UBE2E2: variants seen among roughly 807,000 people sequenced by gnomAD.
UBE2E2 encodes the protein ubiquitin-conjugating enzyme E2 E2.
Under a neutral mutation model 24.7 loss-of-function variants are expected in UBE2E2, and 6 were observed. That is an observed-to-expected ratio of 0.24 (90% CI 0.13 to 0.48). The LOEUF is 0.48. UBE2E2 is among the 20% of genes least tolerant of loss of function. The probability of loss-of-function intolerance (pLI) is 0.99; values close to 1 mark genes in which losing one functional copy is unlikely to be tolerated. For synonymous variants in UBE2E2, 104 were observed against 83.6 expected, an observed-to-expected ratio of 1.24 and a Z score of -1.33; for missense variants, 169 against 245.0, an observed-to-expected ratio of 0.69 and a Z score of 2.07.
chr3:23,554,464 A>G (rs144219885), intron 5 of UBE2E2, among the ~76,000 whole-genome samples: 3 of 152,280 alleles, frequency 2.0e-5, no homozygotes, highest in East Asian at 1.9e-4. Context: ...ACAGTGAGCT[A>G]TGATCACACT....
intron 5 of UBE2E2, among the ~76,000 whole-genome samples, chr3:23,568,860 G>C (rs1696154469): frequency 6.6e-6 from 1 of 151,752 alleles, no homozygotes; most frequent in Non-Finnish European, 1.5e-5. Flanking sequence ...TGGTGAGGAA[G>C]TGGAGAATTA....
Position 23,246,397 on chromosome 3 carries a change from T to A in UBE2E2, c.227+29085T>A, listed in dbSNP as rs552609997. 2.7e-5 allele frequency among the ~76,000 whole-genome samples: 4 copies of A among 147,168 alleles called. No individual in the cohort carries two copies. In the South Asian group the frequency reaches 8.6e-4, roughly 32 times the overall value. On this transcript the variant is annotated intron_variant, in intron 3 of 5. Coordinates refer to ENST00000396703, the MANE Select transcript of UBE2E2 (RefSeq NM_152653.4). ...CACCATGCCTGGCTAATTTTTTTTTTTTTTTTTTTTTGTATTTTTAGTAGA... is the reference window on the plus strand; with the variant it reads ...CACCATGCCTGGCTAATTTTTTTTTATTTTTTTTTTTGTATTTTTAGTAGA...
intron 3 of UBE2E2, among the ~76,000 whole-genome samples, chr3:23,230,443 C>T (rs894457369): frequency 6.6e-6 from 1 of 152,104 alleles, no homozygotes; most frequent in African/African-American, 2.4e-5. Flanking sequence ...TTAGAAAACT[C>T]ATAAATAAGG....
chr3:23,422,532 C>CT (rs35420157), intron 3 of UBE2E2, among the ~76,000 whole-genome samples: 15,497 of 152,206 alleles, frequency 0.1, 927 homozygotes, highest in East Asian at 0.13. Context: ...AATAGATTAT[C>CT]TTTTCTGTCA....
intron 4 of UBE2E2, among the ~76,000 whole-genome samples, chr3:23,530,765 G>A (rs1388227702): frequency 1.3e-5 from 2 of 152,068 alleles, no homozygotes; most frequent in Non-Finnish European, 2.9e-5. Flanking sequence ...CTAAATTCTT[G>A]CAACATACAG....
intron 4 of UBE2E2, among the ~76,000 whole-genome samples, chr3:23,515,739 T>C (rs747852432): frequency 1.3e-5 from 2 of 151,696 alleles, no homozygotes; most frequent in African/African-American, 2.4e-5. Flanking sequence ...GGAGGATCGC[T>C]TGAGGCCAGA....
Position 23,444,060 on chromosome 3 carries a change from G to GTTT in UBE2E2, c.228-55546_228-55544dup, listed in dbSNP as rs1359491293. 1.1e-3 allele frequency among the ~76,000 whole-genome samples: 134 copies of GTTT among 125,646 alleles called. 3 individuals are homozygous for GTTT. The highest frequency in any genetic ancestry group is 3.9e-3 in the African/African-American group (119 of 30,810). The allele number at this position is 125,646 out of a possible 152,430, so 82.4% of individuals were successfully genotyped here. A position where few individuals can be genotyped will look rare whatever the true frequency, so the allele number is the denominator to read the frequency against. ...CACTCATTTTAGGTTTTCTTCACCA[G>GTTT]TTTTGTTTTTTTTTTTTTTTTTGCC... On this transcript the variant is annotated intron_variant, in intron 3 of 5. Transcript: ENST00000396703.
At chr3:23,545,778 G>A (rs769137883) in intron 5 of UBE2E2, among the ~76,000 whole-genome samples, 4 of 152,142 alleles carry the variant, frequency 2.6e-5, no homozygotes, top group Admixed American at 6.6e-5. Context: ...CCCGTCAACC[G>A]ATGAGTGGTT....
intron 3 of UBE2E2, chr3:23,274,060 C>T (rs1454712003): frequency 6.6e-6 from 1 of 152,140 alleles, no homozygotes; most frequent in Non-Finnish European, 1.5e-5. Flanking sequence ...TCAAATATTA[C>T]AGGACTGGAC....
At position 23,513,648 on chromosome 3, in the gene UBE2E2, G is replaced by T. The variant is rs113757294; in HGVS notation, c.360+13908G>T. Among the ~76,000 whole-genome samples the T allele has an allele frequency of 4.8e-3, 729 of 152,204 alleles. 6 individuals are homozygous for T. The highest frequency in any genetic ancestry group is 0.017 in the African/African-American group (697 of 41,538). ...GATTCTGCCCAGATTGCCCTCCAAA[G>T]AAGCTATACAAAGTTATACTCCCAA... On this transcript the variant is annotated intron_variant, in intron 4 of 5. Coordinates refer to ENST00000396703, the MANE Select transcript of UBE2E2 (RefSeq NM_152653.4).
chr3:23,512,897 A>G (rs1004262661), intron 4 of UBE2E2, among the ~76,000 whole-genome samples: 1 of 152,154 alleles, frequency 6.6e-6, no homozygotes, highest in African/African-American at 2.4e-5. Context: ...GTGAGCCAAG[A>G]TTGTGGCAGA....
At chr3:23,334,840 C>A (rs898165185) in intron 3 of UBE2E2, among the ~76,000 whole-genome samples, 2 of 152,168 alleles carry the variant, frequency 1.3e-5, no homozygotes, top group African/African-American at 4.8e-5. Context: ...TCAGATTGAT[C>A]TTATATTGAT....
chr3:23,568,028 T>G (rs936706854), intron 5 of UBE2E2, among the ~76,000 whole-genome samples: 1 of 152,102 alleles, frequency 6.6e-6, no homozygotes, highest in Non-Finnish European at 1.5e-5. Flanking sequence ...AGCCCACACT[T>G]TCAGTGGACA....
At position 23,407,064 on chromosome 3, in the gene UBE2E2, C is replaced by T. The variant is rs556064939; in HGVS notation, c.228-92544C>T. On this transcript the variant is annotated intron_variant, in intron 3 of 5. Coordinates refer to ENST00000396703, the MANE Select transcript of UBE2E2 (RefSeq NM_152653.4). This position sits in a 1 kb window ranked among gnomAD's most constrained non-coding sequence, Gnocchi z 4.0. The stretch of plus-strand genomic sequence containing the variant: ...ATTGGATTATTCCCTTCCCCAGTTC[C>T]CCAAGTATTTTGGAGACAAATTTTT... Among the ~76,000 whole-genome samples, 3 of 152,140 alleles carry T rather than the reference C, an allele frequency of 2.0e-5. No individual in the cohort carries two copies. Among genetic ancestry groups the T allele is most frequent in the East Asian group, 3.9e-4 (2 of 5,178 alleles).
chr3:23,527,442 C>G (rs1040198774), intron 4 of UBE2E2, among the ~76,000 whole-genome samples: 1 of 152,124 alleles, frequency 6.6e-6, no homozygotes, highest in African/African-American at 2.4e-5. Flanking sequence ...GAAATATATA[C>G]TATTTGGTCC....
At chr3:23,247,191 G>T (rs536152986) in intron 3 of UBE2E2, among the ~76,000 whole-genome samples, 2 of 151,940 alleles carry the variant, frequency 1.3e-5, no homozygotes, top group Admixed American at 6.6e-5. Flanking sequence ...AAAAGTAAAA[G>T]AATTTATTTA....
intron 3 of UBE2E2, among the ~76,000 whole-genome samples, chr3:23,284,710 G>T (rs1407099202): frequency 6.6e-6 from 1 of 151,478 alleles, no homozygotes; most frequent in Non-Finnish European, 1.5e-5. Context: ...AGTAGGTGGT[G>T]ATTATATATA....
intron 5 of UBE2E2, among the ~76,000 whole-genome samples, chr3:23,578,942 T>A (rs564462040): frequency 6.1e-4 from 92 of 152,052 alleles, no homozygotes; most frequent in East Asian, 1.2e-3. Flanking sequence ...TAAAAAAAAA[T>A]TTTTAAATAC....
chr3:23,404,217 T>C (rs1697300627), intron 3 of UBE2E2, among the ~76,000 whole-genome samples: 1 of 152,210 alleles, frequency 6.6e-6, no homozygotes, highest in African/African-American at 2.4e-5. Flanking sequence ...TTCTGCTTGT[T>C]GGAATATCAT....
Sources: allele counts gnomAD v4.1 joint callset (sites outside exome capture counted in the v4.1 genomes callset), GRCh38; gene constraint gnomAD v4.1.1; non-coding constraint Gnocchi (gnomAD v3.1); transcripts MANE v1.5; gene names NCBI Gene and HGNC (gene_info 2026-07-23, HGNC 2026-07-21).